Variants in TEX15 observed in about 807,000 individuals in gnomAD.
TEX15 encodes the protein testis expressed 15, meiosis and synapsis associated.
Under a neutral mutation model 237.3 loss-of-function variants are expected in TEX15, and 171 were observed. The observed-to-expected ratio is 0.72, with a 90% confidence interval of 0.64 to 0.82. The LOEUF is 0.82. Ranked by LOEUF, TEX15 falls within the 40% of genes least tolerant of loss-of-function variation. The pLI, the probability that TEX15 is intolerant of heterozygous loss-of-function variation, is 0.00. For synonymous variants in TEX15, 1,338 were observed against 1,269.8 expected, an observed-to-expected ratio of 1.05 and a Z score of -1.14; for missense variants, 3,750 against 3,646.5, an observed-to-expected ratio of 1.03 and a Z score of -0.73.
At chr8:30,883,770 T>C (rs1284348850) in intron 3 of TEX15, among the ~76,000 whole-genome samples, 2 of 152,194 alleles carry the variant, frequency 1.3e-5, no homozygotes, top group Non-Finnish European at 2.9e-5. Flanking sequence ...TTTGGGTTGG[T>C]TCCATGTCTC....
Position 30,844,692 on chromosome 8 carries a change from T to C in TEX15, c.5475A>G (p.Val1825=). The C allele has an allele frequency of 1.2e-6, 2 of 1,613,288 alleles. No individual in the cohort carries two copies. Among genetic ancestry groups the C allele is most frequent in the Non-Finnish European group, 1.7e-6 (2 of 1,179,602 alleles). The change falls in exon 8 of 11, where the codon GTA becomes GTG. Residue 1825 remains valine, a synonymous_variant. Coordinates refer to ENST00000643185, the MANE Select transcript of TEX15 (RefSeq NM_001350162.2). ...TACATGTTTCTGAAGAGGAGCCTTT[T>C]ACATTATCTTTTAAAAGCAGAGAAC... ...SDSSLLLKDN[V]KGSSSETCIV...
At chr8:30,880,557 T>A (rs375136737) in intron 3 of TEX15, among the ~76,000 whole-genome samples, 3 of 152,344 alleles carry the variant, frequency 2.0e-5, no homozygotes, top group African/African-American at 7.2e-5. Flanking sequence ...TTTATGGTGA[T>A]CCACTTCCAT....
At position 30,891,720 on chromosome 8, in the gene TEX15, C is replaced by T. The variant is rs551885852; in HGVS notation, c.-9-4409G>A. Among the ~76,000 whole-genome samples the T allele has an allele frequency of 1.4e-4, 22 of 151,920 alleles. No homozygotes were observed. In the South Asian group the frequency reaches 3.5e-3, roughly 24 times the overall value. On this transcript the variant is annotated intron_variant, in intron 2 of 10. Transcript: ENST00000643185. The stretch of plus-strand genomic sequence containing the variant: ...GCTTCCTGACCTCAAGTGATCTGCC[C>T]GCCTCAGCCTCCCAAAGTGCCTGTA...
In TEX15 at chr8:30,848,395, G is replaced by T; in HGVS notation, c.1772C>A (p.Thr591Lys). 1 of 1,614,070 alleles carries T rather than the reference G, an allele frequency of 6.2e-7. No individual in the cohort carries two copies. Among genetic ancestry groups the T allele is most frequent in the Non-Finnish European group, 8.5e-7 (1 of 1,179,998 alleles). Residue 591 changes from threonine to lysine, a missense_variant, in exon 8 of 11, where the codon ACA (threonine) becomes AAA (lysine). Physicochemically the swap from Thr to Lys is moderately conservative, Grantham distance 78 (BLOSUM62 -1). Transcript: ENST00000643185. Reference sequence around the variant, plus strand: ...CGTTTGGCAACCAGTCTGATAAATTGTTTTTAAATCAGAAGACTGCGAGTC... The same window carrying T: ...CGTTTGGCAACCAGTCTGATAAATTTTTTTTAAATCAGAAGACTGCGAGTC... ...FQDSQSSDLKTIYQTGCQTST... is the reference protein window; with the variant it reads ...FQDSQSSDLKKIYQTGCQTST...
intron 3 of TEX15, among the ~76,000 whole-genome samples, chr8:30,880,545 C>T (rs1338613621): frequency 6.6e-6 from 1 of 152,090 alleles, no homozygotes. Flanking sequence ...AAGATGAAGA[C>T]CTTTATGGTG....
rs1462396627 is a variant in TEX15 at position 30,839,903 on chromosome 8, T to C, written c.8222+3A>G. On this transcript the variant is annotated splice_donor_region_variant and intron_variant, in intron 9 of 10. Coordinates refer to ENST00000643185, the MANE Select transcript of TEX15 (RefSeq NM_001350162.2). Reference sequence around the variant, plus strand: ...TCCACATAGGGCTGATGGGAACTCCTACCTTGGATGCTTGAATGTTGCCTT... The same window carrying C: ...TCCACATAGGGCTGATGGGAACTCCCACCTTGGATGCTTGAATGTTGCCTT... 5 of 1,599,594 alleles carry C rather than the reference T, an allele frequency of 3.1e-6. No individual in the cohort carries two copies. Among genetic ancestry groups the C allele is most frequent in the Non-Finnish European group, 4.3e-6 (5 of 1,173,300 alleles).
intron 4 of TEX15, among the ~76,000 whole-genome samples, chr8:30,870,195 A>G (rs1419613533): frequency 6.6e-6 from 1 of 152,036 alleles, no homozygotes; most frequent in East Asian, 1.9e-4. Flanking sequence ...TGTAAAAGAC[A>G]GATGAGAAAA....
Position 30,844,991 on chromosome 8 carries a change from T to C in TEX15, c.5176A>G (p.Thr1726Ala), listed in dbSNP as rs768713809. 6.2e-7 allele frequency: 1 copy of C among 1,613,590 alleles called. No homozygotes were observed. The change falls in exon 8 of 11, where the codon ACA becomes GCA. Residue 1726 changes from threonine (T) to alanine (A), a missense_variant. Transcript: ENST00000643185. Reference sequence around the variant, plus strand: ...TTTGAAGATTCTCCCTCACTATCTGTCACTGCAGCGGCTGATAACTGAGGA... The same window carrying C: ...TTTGAAGATTCTCCCTCACTATCTGCCACTGCAGCGGCTGATAACTGAGGA... Reference protein sequence around the residue: ...SIPQLSAAAVTDSEGESSKSY... With the variant: ...SIPQLSAAAVADSEGESSKSY...
intron 3 of TEX15, among the ~76,000 whole-genome samples, chr8:30,885,218 T>C (rs1808619022): frequency 6.6e-6 from 1 of 152,112 alleles, no homozygotes; most frequent in South Asian, 2.1e-4. Flanking sequence ...TGGCTCTGTG[T>C]CCCCAACCAA....
Position 30,842,804 on chromosome 8 carries a change from T to C in TEX15, c.7363A>G (p.Ile2455Val), listed in dbSNP as rs758094628. 10 of 1,613,352 alleles carry C rather than the reference T, an allele frequency of 6.2e-6. No homozygotes were observed. The highest frequency in any genetic ancestry group is 2.2e-5 in the East Asian group (1 of 44,838). The part of the protein sequence containing the change: ...YIEIVMVSET[I>V]HFLKNSIAKK... ...GCTATTGAGTTTTTAAGAAAGTGAA[T>C]TGTTTCTGAGACCATGACGATTTCA... Residue 2455 changes from isoleucine to valine, a missense_variant, in exon 8 of 11, where the codon ATT (isoleucine) becomes GTT (valine). By Grantham distance (29) the Ile-to-Val change is conservative. Transcript: ENST00000643185.
rs748007477 is a variant in TEX15 at position 30,845,802 on chromosome 8, CCGTT to C, written c.4361_4364del (p.Lys1454ArgfsTer15). ...CAGCTTTTGGAGCTCTTTTCTTTCT[CCGTT>C]TGTCATATTTTCTTTTTGACGAAAA... is the stretch of plus-strand genomic sequence containing the variant. On this transcript the variant is annotated frameshift_variant, in exon 8 of 11. Coordinates refer to ENST00000643185, the MANE Select transcript of TEX15 (RefSeq NM_001350162.2). LOFTEE classifies it high-confidence loss of function. The C allele has an allele frequency of 1.9e-6, 3 of 1,609,654 alleles. No homozygotes were observed. Among genetic ancestry groups the C allele is most frequent in the Non-Finnish European group, 2.5e-6 (3 of 1,178,806 alleles).
chr8:30,889,938 T>TATATACAC (rs1300353467), intron 2 of TEX15, among the ~76,000 whole-genome samples: 2,977 of 126,158 alleles, frequency 0.024, 101 homozygotes, highest in Non-Finnish European at 0.034. Context: ...TATATACATA[T>TATATACAC]ATATATATAT....
At chr8:30,833,449 T>A in intron 10 of TEX15, 126 bp from the exon 11 acceptor site, 1 of 635,742 alleles carries the variant, frequency 1.6e-6, no homozygotes, top group African/African-American at 1.9e-5. Context: ...TGCCCTTAAG[T>A]AGCCATAGGG....
intron 2 of TEX15, among the ~76,000 whole-genome samples, chr8:30,894,369 C>T (rs576018993): frequency 3.9e-5 from 6 of 152,286 alleles, no homozygotes; most frequent in African/African-American, 1.2e-4. Context: ...TCTTAAGTCT[C>T]AACTCCAATT....
At chr8:30,898,583 A>G (rs77335923) in intron 2 of TEX15, among the ~76,000 whole-genome samples, 159 bp downstream of exon 2, 1 of 152,356 alleles carries the variant, frequency 6.6e-6, no homozygotes, top group East Asian at 1.9e-4. Context: ...ATCAAGAATA[A>G]ATATTTACAT....
At chr8:30,859,853 T>G (rs1172454914) in intron 6 of TEX15, 58 bp downstream of exon 6, 5 of 1,271,866 alleles carry the variant, frequency 3.9e-6, no homozygotes, top group East Asian at 6.0e-5. Flanking sequence ...ATTTAAGTCT[T>G]AAAACATACA....
At chr8:30,834,206 C>T (rs1483457307) in intron 10 of TEX15, among the ~76,000 whole-genome samples, 5 of 152,152 alleles carry the variant, frequency 3.3e-5, no homozygotes, top group African/African-American at 7.2e-5. Flanking sequence ...AGAGTTTAAC[C>T]TTGTCGCCCA....
At chr8:30,862,633 G>A (rs1234273802) in intron 5 of TEX15, among the ~76,000 whole-genome samples, 1 of 152,112 alleles carries the variant, frequency 6.6e-6, no homozygotes, top group Non-Finnish European at 1.5e-5. Context: ...AAAATTGTAA[G>A]GAGTTATGCC....
intron 9 of TEX15, among the ~76,000 whole-genome samples, chr8:30,838,388 T>A (rs987009579): frequency 6.6e-6 from 1 of 152,132 alleles, no homozygotes; most frequent in Non-Finnish European, 1.5e-5. Flanking sequence ...TATAGTTTTT[T>A]AATTCATATG....
Sources: gnomAD v4.1 joint callset for allele counts (sites outside exome capture counted in the v4.1 genomes callset) on GRCh38, gnomAD v4.1.1 for gene constraint, MANE v1.5 for transcripts, NCBI Gene and HGNC (gene_info 2026-07-23, HGNC 2026-07-21) for gene names.